PTPN2: variants seen among roughly 807,000 people sequenced by gnomAD.
PTPN2 encodes protein tyrosine phosphatase non-receptor type 2, also known as tyrosine-protein phosphatase non-receptor type 2.
In PTPN2, 19 loss-of-function variants were observed where a neutral mutation model predicts 57.3. The observed-to-expected ratio is 0.33, with a 90% CI of 0.23 to 0.49. The LOEUF is 0.49. Among genes scored for constraint, PTPN2 ranks in the 20% least tolerant of loss-of-function variants. PTPN2 has a pLI of 0.99. For missense variants in PTPN2, 358 were observed against 501.1 expected, an observed-to-expected ratio of 0.71 and a Z score of 2.73; for synonymous variants, 153 against 164.9, an observed-to-expected ratio of 0.93 and a Z score of 0.55.
chr18:12,873,726 G>A (rs1241776905), intron 1 of PTPN2, among the ~76,000 whole-genome samples: 4 of 152,184 alleles, frequency 2.6e-5, no homozygotes, highest in African/African-American at 9.7e-5. Context: ...TAGGAAGTGA[G>A]GAGCGTCTCT....
chr18:12,842,404 G>C (rs143814473), intron 2 of PTPN2, among the ~76,000 whole-genome samples: 1 of 152,274 alleles, frequency 6.6e-6, no homozygotes, highest in African/African-American at 2.4e-5. Flanking sequence ...TAAAGTATAT[G>C]AGTAATAAAT....
At chr18:12,822,313 A>G (rs2042298282) in intron 5 of PTPN2, among the ~76,000 whole-genome samples, 1 of 152,200 alleles carries the variant, frequency 6.6e-6, no homozygotes, top group African/African-American at 2.4e-5. Context: ...TTATAACAGT[A>G]TTCCTGGAAC....
Position 12,798,455 on chromosome 18 carries a change from T to C in PTPN2, c.1040+3515A>G, listed in dbSNP as rs561195396. Among the ~76,000 whole-genome samples, 5 of 152,254 alleles carry C rather than the reference T, an allele frequency of 3.3e-5. No homozygotes were observed. In the East Asian group the frequency reaches 9.6e-4, roughly 29 times the overall value. On this transcript the variant is annotated intron_variant, in intron 8 of 8. Coordinates refer to ENST00000309660, the MANE Select transcript of PTPN2 (RefSeq NM_002828.4). The stretch of plus-strand genomic sequence containing the variant: ...GCCCCCAGTGTTGTTCCCCTCTATG[T>C]GTCCATGTGTTCTCATCATTTAGCT...
intron 1 of PTPN2, among the ~76,000 whole-genome samples, chr18:12,864,522 A>T (rs2043926974): frequency 6.6e-6 from 1 of 151,842 alleles, no homozygotes; most frequent in African/African-American, 2.4e-5. Flanking sequence ...CAGCCTCCCG[A>T]GTAGCTGGGA....
intron 5 of PTPN2, among the ~76,000 whole-genome samples, chr18:12,823,990 C>G (rs1048068690): frequency 6.6e-6 from 1 of 152,122 alleles, no homozygotes; most frequent in Non-Finnish European, 1.5e-5. Context: ...TCATCTAAAT[C>G]AATTTTAATG....
chr18:12,830,100 ATTT>A (rs148424474), intron 4 of PTPN2, among the ~76,000 whole-genome samples: 1 of 147,618 alleles, frequency 6.8e-6, no homozygotes, highest in South Asian at 2.1e-4. Context: ...ATAATCCTTG[ATTT>A]TTTTTTTTTT....
chr18:12,787,360 A>G (rs1161414283), downstream of PTPN2: 1 of 152,226 alleles, frequency 6.6e-6, no homozygotes, highest in African/African-American at 2.4e-5. Context: ...TAGCTGTGCA[A>G]TCTTGGGCAA....
chr18:12,800,273 T>G (rs961758520), intron 8 of PTPN2, among the ~76,000 whole-genome samples: 2 of 152,110 alleles, frequency 1.3e-5, no homozygotes, highest in East Asian at 1.9e-4. Context: ...CTTTGTAGAT[T>G]AAAACTCAAC....
intron 2 of PTPN2, among the ~76,000 whole-genome samples, chr18:12,844,413 G>C (rs1025986654): frequency 2.0e-5 from 3 of 152,166 alleles, no homozygotes; most frequent in Non-Finnish European, 4.4e-5. Context: ...CCATATATGA[G>C]ATCCAGCTTC....
intron 3 of PTPN2, among the ~76,000 whole-genome samples, chr18:12,833,774 G>T (rs2042753009): frequency 1.3e-5 from 2 of 152,004 alleles, no homozygotes; most frequent in Admixed American, 6.6e-5. Context: ...AAAAGCGAGG[G>T]GCAATAGAAG....
At chr18:12,875,858 A>G (rs1218955598) in intron 1 of PTPN2, among the ~76,000 whole-genome samples, 5 of 152,350 alleles carry the variant, frequency 3.3e-5, no homozygotes, top group Admixed American at 2.6e-4. Flanking sequence ...GAGCTGTAAC[A>G]GTTCTCCAAC....
intron 1 of PTPN2, among the ~76,000 whole-genome samples, chr18:12,879,882 T>C (rs1016510824): frequency 6.6e-6 from 1 of 152,238 alleles, no homozygotes; most frequent in South Asian, 2.1e-4. Flanking sequence ...AAAAACATTA[T>C]CAGAAACATC....
Position 12,807,586 on chromosome 18 carries a change from A to AAAAAAAAAAAAATAT in PTPN2, c.859-5436_859-5435insATATTTTTTTTTTTT. ...AAATGTGGAAAAAAAAAAAAAAAAA[A>AAAAAAAAAAAAATAT]ATATATATATATATATATAATATAA... On this transcript the variant is annotated intron_variant, in intron 7 of 8. Coordinates refer to ENST00000309660, the MANE Select transcript of PTPN2 (RefSeq NM_002828.4). Among the ~76,000 whole-genome samples the AAAAAAAAAAAAATAT allele has an allele frequency of 3.7e-4, 13 of 35,174 alleles. 1 individual carries two copies. The highest frequency in any genetic ancestry group is 7.7e-4 in the African/African-American group (11 of 14,350). 23.1% of individuals were successfully genotyped at this position (35,174 alleles called of 152,430 possible).
At position 12,830,988 on chromosome 18, in the gene PTPN2, C is replaced by A. The variant is rs2042648239; in HGVS notation, c.315G>T (p.Lys105Asn). The stretch of plus-strand genomic sequence containing the variant: ...GGTTCAGCATGACAACTGCTTTGGT[C>A]TTCTGCTGCCAAACCATAAGCCAGA... Reference protein sequence around the residue: ...CHFWLMVWQQKTKAVVMLNRI... With the variant: ...CHFWLMVWQQNTKAVVMLNRI... Residue 105 changes from lysine (K) to asparagine (N), a missense_variant, in exon 4 of 9, where the codon AAG becomes AAT. Physicochemically the swap from Lys to Asn is moderately conservative, Grantham distance 94. Transcript: ENST00000309660. 6.2e-7 allele frequency: 1 copy of A among 1,611,356 alleles called. No individual in the cohort carries two copies. Among genetic ancestry groups the A allele is most frequent in the Non-Finnish European group, 8.5e-7 (1 of 1,177,722 alleles).
intron 4 of PTPN2, among the ~76,000 whole-genome samples, chr18:12,826,219 AT>A (rs2042451227): frequency 6.6e-6 from 1 of 152,176 alleles, no homozygotes; most frequent in Admixed American, 6.5e-5. Context: ...CCTGGCTAAT[AT>A]GGTGAAACCC....
At chr18:12,797,506 C>G (rs1207117931) in intron 8 of PTPN2, among the ~76,000 whole-genome samples, 2 of 152,090 alleles carry the variant, frequency 1.3e-5, no homozygotes, top group Non-Finnish European at 2.9e-5. Context: ...AAGAATGGAA[C>G]AGAGGTTTTT....
intron 3 of PTPN2, among the ~76,000 whole-genome samples, chr18:12,832,050 G>A (rs1420179158): frequency 1.3e-5 from 2 of 152,160 alleles, no homozygotes; most frequent in Admixed American, 6.5e-5. Context: ...GCAGAGTCAG[G>A]AGTGGGGGCT....
At chr18:12,874,257 GTTCAGCCCCCCGCCC>G (rs2044389048) in intron 1 of PTPN2, among the ~76,000 whole-genome samples, 1 of 145,824 alleles carries the variant, frequency 6.9e-6, no homozygotes, top group African/African-American at 2.6e-5. Flanking sequence ...GAGGTGGGGG[GTTCAGCCCCCCGCCC>G]GGCCAGCCGC....
chr18:12,840,546 T>C (rs145929637), intron 2 of PTPN2, among the ~76,000 whole-genome samples: 7 of 152,220 alleles, frequency 4.6e-5, no homozygotes, highest in African/African-American at 7.2e-5. Flanking sequence ...GTCAGGTTTG[T>C]GTGACACTCG....
Sources: gnomAD v4.1 joint callset for allele counts (sites outside exome capture counted in the v4.1 genomes callset) on GRCh38, gnomAD v4.1.1 for gene constraint, MANE v1.5 for transcripts, NCBI Gene and HGNC (gene_info 2026-07-23, HGNC 2026-07-21) for gene names.